The following PHC2 variants were observed in gnomAD, a reference collection of about 807,000 sequenced individuals.
PHC2 encodes the protein polyhomeotic-like protein 2.
A neutral mutation model predicts 87.4 loss-of-function variants in PHC2; 29 were observed. The ratio of observed to expected loss-of-function variants is 0.33; its 90% CI spans 0.25 to 0.45. The LOEUF is 0.45. Ranked by LOEUF, PHC2 falls within the 20% of genes least tolerant of loss-of-function variation. The pLI is 1.00. For synonymous variants in PHC2, 438 were observed against 461.7 expected, an observed-to-expected ratio of 0.95 and a Z score of 0.66; for missense variants, 857 against 1,136.7, an observed-to-expected ratio of 0.75 and a Z score of 3.54.
At chr1:33,409,565 A>G (rs1158342485) in intron 1 of PHC2, among the ~76,000 whole-genome samples, 1 of 152,214 alleles carries the variant, frequency 6.6e-6, no homozygotes, top group Admixed American at 6.5e-5. Context: ...CTTTTGTAAT[A>G]AAAATAACAT....
In PHC2 at chr1:33,369,794, T is replaced by C. The variant is rs1647710678; in HGVS notation, c.576+627A>G. Among the ~76,000 whole-genome samples, 1 of 152,126 alleles carries C rather than the reference T, an allele frequency of 6.6e-6. No homozygotes were observed. Among genetic ancestry groups the C allele is most frequent in the South Asian group, 2.1e-4 (1 of 4,830 alleles). On this transcript the variant is annotated intron_variant, in intron 5 of 14. Transcript: ENST00000683057. The surrounding 1 kb of genome is among the most constrained non-coding windows in gnomAD (Gnocchi z 4.7). The stretch of plus-strand genomic sequence containing the variant: ...GCATGCTACTGCCACCCAGGGAGTA[T>C]GCTGCCATTTTCCCAGGGCATTCTC...
At chr1:33,390,906 A>G (rs1649020846) in intron 1 of PHC2, among the ~76,000 whole-genome samples, 1 of 152,202 alleles carries the variant, frequency 6.6e-6, no homozygotes, top group Non-Finnish European at 1.5e-5. Flanking sequence ...CTGTCAAGGG[A>G]TAACTTTCAC....
At chr1:33,385,153 C>A (rs1387021709) in intron 1 of PHC2, among the ~76,000 whole-genome samples, 3 of 152,060 alleles carry the variant, frequency 2.0e-5, no homozygotes, top group Admixed American at 2.0e-4. Flanking sequence ...GTGGTCACTG[C>A]AAAAAGCAGA....
At chr1:33,325,818 A>G (rs971899463) in intron 14 of PHC2, 11 of 446,990 alleles carry the variant, frequency 2.5e-5, no homozygotes, top group African/African-American at 2.2e-4. Flanking sequence ...GCTGACATCA[A>G]ACAGCTCTAT....
At chr1:33,391,563 C>T (rs1649053751) in intron 1 of PHC2, among the ~76,000 whole-genome samples, 1 of 152,014 alleles carries the variant, frequency 6.6e-6, no homozygotes, top group Non-Finnish European at 1.5e-5. Flanking sequence ...GGCACATACT[C>T]TGCCTTGTTT....
chr1:33,400,753 T>A (rs1041461910), intron 1 of PHC2, among the ~76,000 whole-genome samples: 3 of 152,102 alleles, frequency 2.0e-5, no homozygotes, highest in Admixed American at 2.0e-4. Flanking sequence ...GCAGTTAAAA[T>A]AGTATAGTAA....
intron 1 of PHC2, among the ~76,000 whole-genome samples, chr1:33,385,798 A>ATTTTTT (rs368694960): frequency 6.7e-6 from 1 of 149,864 alleles, no homozygotes; most frequent in Non-Finnish European, 1.5e-5. Flanking sequence ...ACAGAATAAA[A>ATTTTTT]ATTTTTTTTT....
chr1:33,324,588 G>C lies in PHC2; in HGVS notation c.*277C>G. 1 of 334,278 alleles carries C rather than the reference G, an allele frequency of 3.0e-6. No individual in the cohort carries two copies. Among genetic ancestry groups the C allele is most frequent in the Non-Finnish European group, 5.5e-6 (1 of 182,560 alleles). The allele number at this position is 334,278 out of a possible 1,614,324, so 20.7% of individuals were successfully genotyped here. ...GGGACAGAAAGAGGGGAAGAGAGCG[G>C]GGCTAGAGTATTGGGACTTTGGAGG... On this transcript the variant is annotated 3_prime_UTR_variant, in exon 15 of 15. Coordinates refer to ENST00000683057, the MANE Select transcript of PHC2 (RefSeq NM_001385109.1).
chr1:33,330,227 G>C lies in PHC2; in HGVS notation c.2007-15C>G. The C allele has an allele frequency of 6.2e-7, 1 of 1,613,492 alleles. No individual in the cohort carries two copies. The highest frequency in any genetic ancestry group is 8.5e-7 in the Non-Finnish European group (1 of 1,179,722). On this transcript the variant is annotated splice_polypyrimidine_tract_variant and intron_variant, in intron 12 of 14. Coordinates refer to ENST00000683057, the MANE Select transcript of PHC2 (RefSeq NM_001385109.1). The stretch of plus-strand genomic sequence containing the variant: ...CCACGTTGTACCTTCAGGGACAGGG[G>C]AACAGGGGATGTCACAGTAGTCATT...
Position 33,349,932 on chromosome 1 carries a change from C to G in PHC2, c.1558+4469G>C. ...CTGGGACGGCTCCCGCGGCCGCCTC[C>G]GCCGGGGGCGGGGCGAGGGAGCGGG... is the stretch of plus-strand genomic sequence containing the variant. On this transcript the variant is annotated intron_variant, in intron 9 of 14. Coordinates refer to ENST00000683057, the MANE Select transcript of PHC2 (RefSeq NM_001385109.1). This position sits in a 1 kb window ranked among gnomAD's most constrained non-coding sequence, Gnocchi z 4.2. 1 of 817,050 alleles carries G rather than the reference C, an allele frequency of 1.2e-6. No individual in the cohort carries two copies. The highest frequency in any genetic ancestry group is 1.5e-6 in the Non-Finnish European group (1 of 680,560). 50.6% of individuals were successfully genotyped at this position (817,050 alleles called of 1,614,324 possible).
intron 1 of PHC2, among the ~76,000 whole-genome samples, chr1:33,385,798 A>C (rs1047240449): frequency 6.7e-6 from 1 of 149,964 alleles, no homozygotes; most frequent in South Asian, 2.1e-4. Context: ...ACAGAATAAA[A>C]ATTTTTTTTT....
chr1:33,401,614 C>A (rs141412035), intron 1 of PHC2, among the ~76,000 whole-genome samples: 2 of 152,160 alleles, frequency 1.3e-5, no homozygotes, highest in Non-Finnish European at 2.9e-5. Context: ...TACTACAAAT[C>A]GGGACTTTTT....
chr1:33,384,252 T>C (rs1047577376), intron 1 of PHC2, among the ~76,000 whole-genome samples: 1 of 152,184 alleles, frequency 6.6e-6, no homozygotes, highest in Non-Finnish European at 1.5e-5. Flanking sequence ...GGAGCAGGGC[T>C]CAGCAGCCTG....
intron 1 of PHC2, among the ~76,000 whole-genome samples, chr1:33,398,299 A>G (rs1449322887): frequency 6.6e-6 from 1 of 152,242 alleles, no homozygotes. Context: ...TACCCCCAGT[A>G]AATCACAGCC....
intron 1 of PHC2, among the ~76,000 whole-genome samples, chr1:33,407,100 T>C (rs1386021513): frequency 1.3e-5 from 2 of 152,248 alleles, no homozygotes. Flanking sequence ...TTTTCACTTT[T>C]GTAAGTTCTA....
At chr1:33,351,933 C>CA (rs1646980408) in intron 9 of PHC2, among the ~76,000 whole-genome samples, 1 of 111,404 alleles carries the variant, frequency 9.0e-6, no homozygotes, top group Admixed American at 1.3e-4. Flanking sequence ...GCCTGGGCGA[C>CA]AGAGTAAGAA....
At position 33,367,137 on chromosome 1, in the gene PHC2, C is replaced by A. The variant is rs1363750051; in HGVS notation, c.955G>T (p.Ala319Ser). The A allele has an allele frequency of 1.2e-6, 2 of 1,607,202 alleles. No homozygotes were observed. The highest frequency in any genetic ancestry group is 1.7e-6 in the Non-Finnish European group (2 of 1,175,076). The change falls in exon 7 of 15, where the codon GCC (alanine) becomes TCC (serine). Residue 319 changes from alanine to serine, a missense_variant. Around this residue, in one of 3 missense-constraint regions of PHC2, gnomAD observed 832 missense variants for 1,081.8 expected, o/e 0.77. Coordinates refer to ENST00000683057, the MANE Select transcript of PHC2 (RefSeq NM_001385109.1). ...TTACCTGGTGCAATGAGGGGGTGGG[C>A]AGCCACAGCAGGAACCGTCCGGCTG... ...GLSRTVPAVA[A>S]HPLIAPAYAQ...
chr1:33,394,296 A>C (rs1167360939), intron 1 of PHC2, among the ~76,000 whole-genome samples: 2 of 152,136 alleles, frequency 1.3e-5, no homozygotes, highest in East Asian at 3.9e-4. Context: ...TTATAGCAGC[A>C]AAAGAAAAAA....
At chr1:33,428,409 T>C (rs758584541) in intron 1 of PHC2, among the ~76,000 whole-genome samples, 7 of 152,228 alleles carry the variant, frequency 4.6e-5, no homozygotes, top group Non-Finnish European at 1.0e-4. Flanking sequence ...TGACACCTTC[T>C]TTACACGACT....
Sources: gnomAD v4.1 joint callset for allele counts (sites outside exome capture counted in the v4.1 genomes callset) on GRCh38, gnomAD v4.1.1 for gene constraint, gnomAD v4.1.1 regional missense constraint, Gnocchi (gnomAD v3.1) non-coding constraint, MANE v1.5 for transcripts, NCBI Gene and HGNC (gene_info 2026-07-23, HGNC 2026-07-21) for gene names.